CELF2: variants seen among roughly 807,000 people sequenced by gnomAD.
The protein encoded by CELF2 is CUG triplet repeat RNA-binding protein 2.
CELF2 carries 8 observed loss-of-function variants against 62.6 expected under a neutral mutation model. That is an observed-to-expected ratio of 0.13 (90% CI 0.07 to 0.23). The LOEUF is 0.23. CELF2 is among the 10% of genes least tolerant of loss of function. The pLI, the probability that CELF2 is intolerant of heterozygous loss-of-function variation, is 1.00. For missense variants in CELF2, 333 were observed against 671.0 expected (o/e 0.50, Z 5.56); for synonymous variants, 258 against 250.0 (o/e 1.03, Z -0.30).
At chr10:10,581,631 AG>A in the CELF2 span, among the ~76,000 whole-genome samples, 1 of 152,244 alleles carries the variant, frequency 6.6e-6, no homozygotes, top group African/African-American at 2.4e-5. Context: ...ACTAATCCAG[AG>A]ACTCATTCTA....
At chr10:10,856,815 C>T (rs2059740909) in intron 1 of CELF2, among the ~76,000 whole-genome samples, 1 of 152,124 alleles carries the variant, frequency 6.6e-6, no homozygotes, top group Non-Finnish European at 1.5e-5. Flanking sequence ...GTAGTATCTT[C>T]CGTCTTCAAA....
the CELF2 span, among the ~76,000 whole-genome samples, chr10:10,520,656 AAT>A: frequency 2.0e-5 from 3 of 152,202 alleles, no homozygotes; most frequent in Non-Finnish European, 4.4e-5. Flanking sequence ...GCCAAAGCAC[AAT>A]ATGAGATGCA....
chr10:11,216,499 A>T (rs1374562825), intron 2 of CELF2, among the ~76,000 whole-genome samples: 1 of 152,162 alleles, frequency 6.6e-6, no homozygotes, highest in African/African-American at 2.4e-5. Context: ...CTTAAATTTC[A>T]AGTTTTTGTC....
At chr10:10,650,792 A>G in the CELF2 span, among the ~76,000 whole-genome samples, 1 of 152,266 alleles carries the variant, frequency 6.6e-6, no homozygotes, top group South Asian at 2.1e-4. Context: ...TATTTAACAC[A>G]GAGTCACCAT....
chr10:10,694,755 A>T, the CELF2 span, among the ~76,000 whole-genome samples: 1 of 151,592 alleles, frequency 6.6e-6, no homozygotes, highest in African/African-American at 2.4e-5. Context: ...TGATCCCTTT[A>T]CCATTATGTA....
chr10:11,328,092 C>T lies in CELF2; in HGVS notation c.1439-834C>T, dbSNP rs2095848664. Among the ~76,000 whole-genome samples, 1 of 152,182 alleles carries T rather than the reference C, an allele frequency of 6.6e-6. No homozygotes were observed. The highest frequency in any genetic ancestry group is 1.5e-5 in the Non-Finnish European group (1 of 68,032). Reference sequence around the variant, plus strand: ...GTTCTTTTTCAAAAGCTTGCCTTCCCTGCTGTTTATGGTGGAGGTCGTTGC... The same window carrying T: ...GTTCTTTTTCAAAAGCTTGCCTTCCTTGCTGTTTATGGTGGAGGTCGTTGC... On this transcript the variant is annotated intron_variant, in intron 12 of 12. Coordinates refer to ENST00000633077, the MANE Select transcript of CELF2 (RefSeq NM_001326342.2). The surrounding 1 kb of genome is among the most constrained non-coding windows in gnomAD (Gnocchi z 6.4).
intron 1 of CELF2, among the ~76,000 whole-genome samples, chr10:11,036,172 T>C (rs1213209235): frequency 6.6e-6 from 1 of 152,260 alleles, no homozygotes; most frequent in African/African-American, 2.4e-5. Context: ...AAACTGACTC[T>C]TGAATAGAGA....
intron 2 of CELF2, among the ~76,000 whole-genome samples, chr10:11,190,868 G>A (rs1445458320): frequency 6.7e-6 from 1 of 149,834 alleles, no homozygotes; most frequent in African/African-American, 2.4e-5. Context: ...CAGAAAATAG[G>A]TTGGTGGTTG....
At chr10:11,083,062 C>T (rs2074447731) in intron 1 of CELF2, among the ~76,000 whole-genome samples, 1 of 152,186 alleles carries the variant, frequency 6.6e-6, no homozygotes, top group African/African-American at 2.4e-5. Flanking sequence ...GAGGATGGAT[C>T]GTAACCCTGG....
intron 1 of CELF2, among the ~76,000 whole-genome samples, chr10:10,806,912 C>A (rs1031990095): frequency 6.6e-6 from 1 of 152,162 alleles, no homozygotes; most frequent in South Asian, 2.1e-4. Context: ...TGATCACCCA[C>A]AAGGATGTGT....
At chr10:11,184,095 G>A (rs1035190610) in intron 2 of CELF2, among the ~76,000 whole-genome samples, 1 of 152,128 alleles carries the variant, frequency 6.6e-6, no homozygotes, top group African/African-American at 2.4e-5. Flanking sequence ...TATTCAGCAT[G>A]AATTATTTAT....
At chr10:10,752,690 AAAAAAAAAAAAAAAAAAGAAAG>A in the CELF2 span, among the ~76,000 whole-genome samples, 1 of 141,468 alleles carries the variant, frequency 7.1e-6, no homozygotes, top group Non-Finnish European at 1.5e-5. Context: ...CTCCGTCTCA[AAAAAAAAAAAAAAAAAAGAAAG>A]AAAAAGAAAA....
chr10:10,760,756 C>G, the CELF2 span, among the ~76,000 whole-genome samples: 1 of 152,012 alleles, frequency 6.6e-6, no homozygotes, highest in South Asian at 2.1e-4. Flanking sequence ...GTGTTTCTCG[C>G]AGAAAGAACA....
intron 1 of CELF2, among the ~76,000 whole-genome samples, chr10:11,086,088 A>G (rs988914780): frequency 1.3e-5 from 2 of 152,124 alleles, no homozygotes; most frequent in Admixed American, 1.3e-4. Context: ...ATATTTGACA[A>G]TCTCCTGGAC....
At position 11,082,070 on chromosome 10, in the gene CELF2, C is replaced by T. The variant is rs74959656; in HGVS notation, c.74+63907C>T. ...GTGTTCCTATGGCCTGGGGCTGGGG[C>T]TGCATCCCTTGCTTCTGTTTGGACC... is the stretch of plus-strand genomic sequence containing the variant. On this transcript the variant is annotated intron_variant, in intron 1 of 12. Transcript: ENST00000633077. 7.4e-3 allele frequency among the ~76,000 whole-genome samples: 1,127 copies of T among 152,204 alleles called. 9 individuals carry two copies. Among genetic ancestry groups the T allele is most frequent in the African/African-American group, 0.025 (1,025 of 41,514 alleles).
intron 1 of CELF2, among the ~76,000 whole-genome samples, chr10:11,137,813 A>G (rs1041762506): frequency 3.3e-5 from 5 of 152,250 alleles, no homozygotes; most frequent in African/African-American, 1.2e-4. Context: ...TTTTAAAAAC[A>G]GAATTATCCA....
intron 1 of CELF2, among the ~76,000 whole-genome samples, chr10:10,909,967 A>C (rs113205704): frequency 0.011 from 1,611 of 152,360 alleles, 24 homozygotes; most frequent in African/African-American, 0.037. Context: ...ATGCTAATGA[A>C]TTCAATACCA....
chr10:10,913,916 G>T (rs1450811011), intron 1 of CELF2, among the ~76,000 whole-genome samples: 1 of 143,470 alleles, frequency 7.0e-6, no homozygotes, highest in East Asian at 2.0e-4. Context: ...GGACGGACGG[G>T]GCAGGGGAAG....
chr10:10,827,231 A>C (rs1207453324), intron 1 of CELF2, among the ~76,000 whole-genome samples: 3 of 152,164 alleles, frequency 2.0e-5, no homozygotes, highest in Non-Finnish European at 4.4e-5. Context: ...CCCCATGAGC[A>C]CATGATAGCC....
Sources: allele counts gnomAD v4.1 joint callset (sites outside exome capture counted in the v4.1 genomes callset), GRCh38; gene constraint gnomAD v4.1.1; non-coding constraint Gnocchi (gnomAD v3.1); transcripts MANE v1.5; gene names NCBI Gene and HGNC (gene_info 2026-07-23, HGNC 2026-07-21).